Variants in NUTM2G observed in about 807,000 individuals in gnomAD.
NUTM2G encodes family with sequence similarity 22, member G.
NUTM2G carries 29 observed loss-of-function variants against 44.3 expected under a neutral mutation model. That is an observed-to-expected ratio of 0.66 (90% CI 0.49 to 0.89). The LOEUF (loss-of-function observed/expected upper bound fraction) is 0.89. NUTM2G is among the 40% of genes least tolerant of loss of function. The pLI is 0.00. For synonymous variants in NUTM2G, 205 were observed against 395.9 expected (o/e 0.52, Z 5.72); for missense variants, 502 against 946.5 (o/e 0.53, Z 6.16).
At position 96,931,741 on chromosome 9, in the gene NUTM2G, C is replaced by T. The variant is rs201487837; in HGVS notation, c.36C>T (p.Pro12=). 0.018 allele frequency: 29,100 copies of T among 1,607,130 alleles called. 2,622 individuals are homozygous for T. In the African/African-American group the frequency reaches 0.25, roughly 14 times the overall value. ...ASNGAYPVLG[P]GVTVNPGTSL... is the part of the protein sequence containing the mutation. ...CCACAGCATACCCAGTGCTGGGACCCGGCGTGACCGTGAACCCTGGCACCT... is the reference window on the plus strand; with the variant it reads ...CCACAGCATACCCAGTGCTGGGACCTGGCGTGACCGTGAACCCTGGCACCT... Residue 12 remains proline (P), a synonymous_variant, in exon 2 of 7, where the codon CCC becomes CCT. Coordinates refer to ENST00000372322, the MANE Select transcript of NUTM2G (RefSeq NM_001170741.3).
Position 96,937,394 on chromosome 9 carries a change from T to A in NUTM2G, c.1313T>A (p.Phe438Tyr), listed in dbSNP as rs756677490. Residue 438 changes from phenylalanine (F) to tyrosine (Y), a missense_variant, in exon 5 of 7, where the codon TTT becomes TAT. Transcript: ENST00000372322. ...GACAAGCTGTGTTCCCAGGAAGACT[T>A]TGTCACCAAGGTGGGCTTGCCTGGA... is the stretch of plus-strand genomic sequence containing the variant. Reference protein sequence around the residue: ...YIDKLCSQEDFVTKVEAVIHP... With the variant: ...YIDKLCSQEDYVTKVEAVIHP... 5 of 1,613,402 alleles carry A rather than the reference T, an allele frequency of 3.1e-6. No individual in the cohort carries two copies. The highest frequency in any genetic ancestry group is 4.2e-6 in the Non-Finnish European group (5 of 1,179,786).
chr9:96,931,834 C>T lies in NUTM2G; in HGVS notation c.129C>T (p.Leu43=), dbSNP rs571113210. 13 of 1,612,356 alleles carry T rather than the reference C, an allele frequency of 8.1e-6. No individual in the cohort carries two copies. Among genetic ancestry groups the T allele is most frequent in the African/African-American group, 4.0e-5 (3 of 74,890 alleles). Residue 43 remains leucine, a synonymous_variant, in exon 2 of 7, where the codon CTC becomes CTT. Transcript: ENST00000372322. ...CCGGCCCAACACACAGGCCGCCCCT[C>T]GTGACTGCAGTGGTTCCTCCAGCCG... The part of the protein sequence containing the change: ...PSPGPTHRPP[L]VTAVVPPAGP...
At chr9:96,934,584 GCTC>G (rs1386095884) in intron 2 of NUTM2G, among the ~76,000 whole-genome samples, 1 of 151,942 alleles carries the variant, frequency 6.6e-6, no homozygotes, top group East Asian at 1.9e-4. Context: ...ATGTGCTCCT[GCTC>G]CTCAAGCTCC....
downstream of NUTM2G, chr9:96,942,739 G>A (rs1035240435): frequency 1.3e-5 from 2 of 149,700 alleles, no homozygotes; most frequent in African/African-American, 2.5e-5. Flanking sequence ...TCACGTATAC[G>A]GTATTTGCAT....
chr9:96,934,524 T>C (rs1359636936), intron 2 of NUTM2G, among the ~76,000 whole-genome samples: 1 of 152,012 alleles, frequency 6.6e-6, no homozygotes, highest in African/African-American at 2.4e-5. Flanking sequence ...TGGGAAGCTG[T>C]GCCTGGCTGC....
chr9:96,941,985 G>T (rs964813553), downstream of NUTM2G, among the ~76,000 whole-genome samples: 3 of 151,170 alleles, frequency 2.0e-5, no homozygotes, highest in African/African-American at 7.4e-5. Flanking sequence ...AGGTGCTGGG[G>T]GTATGCTGAG....
intron 2 of NUTM2G, among the ~76,000 whole-genome samples, chr9:96,933,178 C>T (rs1218097834): frequency 6.7e-6 from 1 of 149,134 alleles, no homozygotes; most frequent in East Asian, 2.0e-4. Flanking sequence ...CGGGGTTTCA[C>T]CATGTTAGCC....
rs550671322 is a variant in NUTM2G at position 96,937,351 on chromosome 9, G to A, written c.1270G>A (p.Gly424Ser). The A allele has an allele frequency of 5.6e-6, 9 of 1,613,792 alleles. No homozygotes were observed. Among genetic ancestry groups the A allele is most frequent in the Admixed American group, 5.0e-5 (3 of 59,990 alleles). Reference protein sequence around the residue: ...QEEDGMTSDPGLLSYIDKLCS... With the variant: ...QEEDGMTSDPSLLSYIDKLCS... ...AGAGGACGGGATGACCTCAGACCCG[G>A]GCCTCCTGAGCTACATTGACAAGCT... Residue 424 changes from glycine to serine, a missense_variant, in exon 5 of 7, where the codon GGC (glycine) becomes AGC (serine). Transcript: ENST00000372322.
intron 4 of NUTM2G, among the ~76,000 whole-genome samples, 154 bp from the exon 5 acceptor site, chr9:96,936,910 C>T (rs531095716): frequency 4.5e-4 from 69 of 152,314 alleles, no homozygotes; most frequent in African/African-American, 1.6e-3. Flanking sequence ...CTCAGATGTG[C>T]CCCTCCTGCG....
chr9:96,931,799 A>G lies in NUTM2G; in HGVS notation c.94A>G (p.Thr32Ala), dbSNP rs753844024. ...TGTGTTCACGGCTCTGCCCTTTGCC[A>G]CACCCTCTCCCGGCCCAACACACAG... Reference protein sequence around the residue: ...LSVFTALPFATPSPGPTHRPP... With the variant: ...LSVFTALPFAAPSPGPTHRPP... Residue 32 changes from threonine (T) to alanine (A), a missense_variant, in exon 2 of 7, where the codon ACA (threonine) becomes GCA (alanine). Coordinates refer to ENST00000372322, the MANE Select transcript of NUTM2G (RefSeq NM_001170741.3). The G allele has an allele frequency of 1.9e-6, 3 of 1,611,332 alleles. No individual in the cohort carries two copies. Among genetic ancestry groups the G allele is most frequent in the Non-Finnish European group, 2.5e-6 (3 of 1,179,768 alleles).
At chr9:96,935,024 T>TGA (rs1292559617) in intron 2 of NUTM2G, among the ~76,000 whole-genome samples, 3 of 152,200 alleles carry the variant, frequency 2.0e-5, no homozygotes, top group Non-Finnish European at 2.9e-5. Context: ...ACTGACACAC[T>TGA]GGCACTGAGG....
Position 96,937,898 on chromosome 9 carries a change from T to A in NUTM2G, c.1337T>A (p.Ile446Asn). 6.2e-7 allele frequency: 1 copy of A among 1,611,562 alleles called. No individual in the cohort carries two copies. Among genetic ancestry groups the A allele is most frequent in the Non-Finnish European group, 8.5e-7 (1 of 1,179,680 alleles). Reference sequence around the variant, plus strand: ...TTCTGTTTCCAGGTGGAGGCCGTCATTCACCCCCGATTCCTGGAAGAATTG... The same window carrying A: ...TTCTGTTTCCAGGTGGAGGCCGTCAATCACCCCCGATTCCTGGAAGAATTG... ...EDFVTKVEAV[I>N]HPRFLEELLS... Residue 446 changes from isoleucine (I) to asparagine (N), a missense_variant, in exon 6 of 7, where the codon ATT becomes AAT. By Grantham distance (149) the Ile-to-Asn change is moderately radical. Transcript: ENST00000372322.
At chr9:96,931,672 A>C (rs2479279) in intron 1 of NUTM2G, 50 bp from the exon 2 acceptor site, 1 of 1,600,886 alleles carries the variant, frequency 6.2e-7, no homozygotes, top group East Asian at 2.3e-5. Context: ...CAGTGACTAG[A>C]GTGGACCTGG....
Position 96,938,042 on chromosome 9 carries a change from C to G in NUTM2G, c.1440+41C>G, listed in dbSNP as rs1391037996. 5.0e-6 allele frequency: 8 copies of G among 1,611,492 alleles called. No individual in the cohort carries two copies. In the East Asian group the frequency reaches 1.6e-4, roughly 31 times the overall value. ...GAGGGGAACCCAGGTACTCCAGGGG[C>G]AGGAGGGACCCGGCACACAAGGCCC... On this transcript the variant is annotated intron_variant, in intron 6 of 6. Transcript: ENST00000372322.
At chr9:96,940,868 C>T (rs542777426), downstream of NUTM2G, among the ~76,000 whole-genome samples, 8 of 152,394 alleles carry the variant, frequency 5.2e-5, no homozygotes, top group South Asian at 4.1e-4. Flanking sequence ...TGGGCAGTGT[C>T]GGAGGCCTGC....
intron 3 of NUTM2G, 113 bp downstream of exon 3, chr9:96,935,569 C>T (rs1344347238): frequency 1.9e-6 from 3 of 1,595,042 alleles, no homozygotes; most frequent in African/African-American, 2.7e-5. Flanking sequence ...TGTGGACAAA[C>T]ACAGGACGCC....
At chr9:96,930,431 G>A (rs1826202749) in intron 1 of NUTM2G, among the ~76,000 whole-genome samples, 1 of 151,202 alleles carries the variant, frequency 6.6e-6, no homozygotes, top group African/African-American at 2.4e-5. Context: ...GGCTGAGGCA[G>A]GAGAAGTGCT....
chr9:96,939,598 G>A, downstream of NUTM2G: 1 of 16,440 alleles, frequency 6.1e-5, no homozygotes, highest in South Asian at 4.4e-4. Flanking sequence ...AGATGCTGAG[G>A]AAGCCCTGAT....
At chr9:96,942,847 G>A (rs1826627170), downstream of NUTM2G, 1 of 151,890 alleles carries the variant, frequency 6.6e-6, no homozygotes. Flanking sequence ...CCTAATAAAT[G>A]TAAGTGGATG....
Sources: gnomAD v4.1 joint callset for allele counts (sites outside exome capture counted in the v4.1 genomes callset) on GRCh38, gnomAD v4.1.1 for gene constraint, MANE v1.5 for transcripts, NCBI Gene and HGNC (gene_info 2026-07-23, HGNC 2026-07-21) for gene names.